Variants in FER observed in about 807,000 individuals in gnomAD.
FER encodes tyrosine-protein kinase Fer.
Under a neutral mutation model 111.0 loss-of-function variants are expected in FER, and 63 were observed. The ratio of observed to expected loss-of-function variants is 0.57; its 90% CI spans 0.46 to 0.70. The LOEUF is 0.70. FER is among the 30% of genes least tolerant of loss of function. The pLI is 0.00. For missense variants in FER, 914 were observed against 954.0 expected, an observed-to-expected ratio of 0.96 and a Z score of 0.55; for synonymous variants, 327 against 313.9, an observed-to-expected ratio of 1.04 and a Z score of -0.44.
At chr5:108,757,141 G>A (rs1317658412) in intron 1 of FER, among the ~76,000 whole-genome samples, 1 of 152,182 alleles carries the variant, frequency 6.6e-6, no homozygotes, top group Non-Finnish European at 1.5e-5. Flanking sequence ...AAAGTCTGTA[G>A]TAAACTATTA....
chr5:109,073,755 C>G lies in FER; in HGVS notation c.1924+26557C>G, dbSNP rs191993333. On this transcript the variant is annotated intron_variant, in intron 16 of 19. Coordinates refer to ENST00000281092, the MANE Select transcript of FER (RefSeq NM_005246.4). ...GGTTCTGCAGTGGGCCCTGCAGAAC[C>G]CACTTACATGAAAAGTCAGCCTTTG... Among the ~76,000 whole-genome samples, 1,181 of 151,962 alleles carry G rather than the reference C, an allele frequency of 7.8e-3. 13 individuals are homozygous for G. Among genetic ancestry groups the G allele is most frequent in the African/African-American group, 0.028 (1,143 of 41,420 alleles).
At chr5:109,020,587 C>T (rs1456828806) in intron 13 of FER, among the ~76,000 whole-genome samples, 2 of 152,044 alleles carry the variant, frequency 1.3e-5, no homozygotes, top group African/African-American at 4.8e-5. Context: ...AATTGGCTTG[C>T]TGGAAATCTT....
intron 3 of FER, among the ~76,000 whole-genome samples, chr5:108,822,781 T>G (rs200515106): frequency 3.6e-4 from 43 of 119,920 alleles, no homozygotes; most frequent in African/African-American, 7.9e-4. Flanking sequence ...TATTTTATGT[T>G]ATTTTATGTT....
At chr5:108,803,809 C>G (rs537908744) in intron 3 of FER, among the ~76,000 whole-genome samples, 1 of 152,174 alleles carries the variant, frequency 6.6e-6, no homozygotes, top group South Asian at 2.1e-4. Context: ...ACTGCTTTGG[C>G]TATTTGGGCG....
chr5:108,838,732 T>G (rs1044130202), intron 5 of FER, among the ~76,000 whole-genome samples: 108 of 152,352 alleles, frequency 7.1e-4, no homozygotes, highest in African/African-American at 2.5e-3. Flanking sequence ...TAGCATCATT[T>G]TAATTTTCTA....
chr5:109,113,861 A>G (rs1301261464), intron 17 of FER, among the ~76,000 whole-genome samples: 1 of 152,196 alleles, frequency 6.6e-6, no homozygotes, highest in Non-Finnish European at 1.5e-5. Context: ...TTTGCTCCAA[A>G]GAGCATATAC....
intron 3 of FER, among the ~76,000 whole-genome samples, chr5:108,808,976 C>T (rs1757474024): frequency 6.6e-6 from 1 of 152,140 alleles, no homozygotes; most frequent in Non-Finnish European, 1.5e-5. Flanking sequence ...GACAGATTTC[C>T]CTTTGCACAT....
chr5:109,164,398 G>C (rs1309335610), intron 17 of FER, among the ~76,000 whole-genome samples: 3 of 152,134 alleles, frequency 2.0e-5, no homozygotes, highest in Non-Finnish European at 4.4e-5. Flanking sequence ...GTTGCTCTTT[G>C]CTTAGAAGGA....
chr5:109,137,637 AGAAC>A (rs1753040549), intron 17 of FER, among the ~76,000 whole-genome samples: 1 of 152,196 alleles, frequency 6.6e-6, no homozygotes, highest in Admixed American at 6.6e-5. Context: ...AGAAAGAGAA[AGAAC>A]TCATGTCTGA....
Position 108,860,776 on chromosome 5 carries a change from G to A in FER, c.482-6991G>A, listed in dbSNP as rs547493166. Among the ~76,000 whole-genome samples, 8 of 152,294 alleles carry A rather than the reference G, an allele frequency of 5.3e-5. No homozygotes were observed. The East Asian group carries it at 9.6e-4, about 18-fold the overall frequency. ...TGCTATAAAGACATATAATTACTGG[G>A]TAATTTATAAAGAAAAGAGGTTTAA... is the stretch of plus-strand genomic sequence containing the variant. On this transcript the variant is annotated intron_variant, in intron 5 of 19. Transcript: ENST00000281092.
At chr5:109,026,835 T>C (rs1473584224) in intron 13 of FER, among the ~76,000 whole-genome samples, 1 of 151,994 alleles carries the variant, frequency 6.6e-6, no homozygotes, top group Non-Finnish European at 1.5e-5. Context: ...CCCGCCACCA[T>C]GCGTGGCTAA....
rs571555069 is a variant in FER, at chr5:108,856,699, C to G, written c.482-11068C>G. The stretch of plus-strand genomic sequence containing the variant: ...AGATAAACATTTAAAGGATGAATGC[C>G]CTAAATTTTCTGTAAATGTTGTTCT... On this transcript the variant is annotated intron_variant, in intron 5 of 19. Coordinates refer to ENST00000281092, the MANE Select transcript of FER (RefSeq NM_005246.4). Among the ~76,000 whole-genome samples, 5 of 152,110 alleles carry G rather than the reference C, an allele frequency of 3.3e-5. No homozygotes were observed. In the South Asian group the frequency reaches 8.3e-4, roughly 25 times the overall value.
intron 13 of FER, among the ~76,000 whole-genome samples, chr5:108,992,687 C>A (rs1291741171): frequency 6.6e-6 from 1 of 151,792 alleles, no homozygotes; most frequent in African/African-American, 2.4e-5. Context: ...GGCTGACCCC[C>A]ACCTCCCTCC....
intron 11 of FER, among the ~76,000 whole-genome samples, chr5:108,954,441 A>G (rs971811136): frequency 2.0e-5 from 3 of 152,116 alleles, no homozygotes; most frequent in Admixed American, 6.6e-5. Context: ...ATTTTAGTAT[A>G]TAGATTTATT....
chr5:108,992,148 C>T (rs947787521), intron 13 of FER, among the ~76,000 whole-genome samples: 5 of 152,128 alleles, frequency 3.3e-5, no homozygotes, highest in Non-Finnish European at 5.9e-5. Context: ...ATCCATTTAA[C>T]CCTGAGTGGA....
chr5:109,169,352 T>C (rs535486995), intron 17 of FER, among the ~76,000 whole-genome samples: 1 of 152,270 alleles, frequency 6.6e-6, no homozygotes, highest in South Asian at 2.1e-4. Context: ...TTCAGATCTT[T>C]GTTTCAAGAT....
At chr5:109,078,024 T>C (rs1776563632) in intron 16 of FER, among the ~76,000 whole-genome samples, 1 of 152,174 alleles carries the variant, frequency 6.6e-6, no homozygotes, top group Non-Finnish European at 1.5e-5. Flanking sequence ...TAATATCAAG[T>C]AGTACTAGTG....
intron 17 of FER, among the ~76,000 whole-genome samples, chr5:109,161,208 G>T (rs1005824359): frequency 2.0e-5 from 3 of 152,038 alleles, no homozygotes; most frequent in Non-Finnish European, 4.4e-5. Context: ...GTGTCTGTAG[G>T]ATGCTTCTGT....
chr5:108,758,689 T>C (rs142213633), intron 1 of FER, among the ~76,000 whole-genome samples: 7 of 152,308 alleles, frequency 4.6e-5, no homozygotes, highest in Non-Finnish European at 8.8e-5. Flanking sequence ...TATATGATGA[T>C]AGGCCATATC....
Sources: gnomAD v4.1 joint callset for allele counts (sites outside exome capture counted in the v4.1 genomes callset) on GRCh38, gnomAD v4.1.1 for gene constraint, MANE v1.5 for transcripts, NCBI Gene and HGNC (gene_info 2026-07-23, HGNC 2026-07-21) for gene names.